The following GRHL3 variants were observed in gnomAD, a reference collection of about 807,000 sequenced individuals.
GRHL3 encodes the protein grainyhead like transcription factor 3.
In GRHL3, 20 loss-of-function variants were observed where a neutral mutation model predicts 70.3. The ratio of observed to expected loss-of-function variants is 0.28; its 90% CI spans 0.20 to 0.41. The LOEUF is 0.41. Ranked by LOEUF, GRHL3 falls within the 10% of genes least tolerant of loss-of-function variation. The pLI is 1.00. For missense variants in GRHL3, 637 were observed against 762.3 expected, an observed-to-expected ratio of 0.84 and a Z score of 1.94; for synonymous variants, 299 against 299.9, an observed-to-expected ratio of 1.00 and a Z score of 0.03.
intron 15 of GRHL3, 114 bp from the exon 16 acceptor site, chr1:24,354,259 GC>G: frequency 1.5e-6 from 1 of 663,522 alleles, no homozygotes; most frequent in South Asian, 1.7e-5. Flanking sequence ...TTTGTGAGGT[GC>G]CTAAAATGTG....
intron 11 of GRHL3, chr1:24,343,272 C>T (rs1381011669): frequency 2.1e-6 from 1 of 472,156 alleles, no homozygotes; most frequent in Non-Finnish European, 3.8e-6. Context: ...TTAGGGCACA[C>T]AAAGAGGAGG....
Position 24,342,185 on chromosome 1 carries a change from AC to A in GRHL3, c.1120del (p.Leu374CysfsTer115). On this transcript the variant is annotated frameshift_variant, in exon 9 of 16. Transcript: ENST00000361548. LOFTEE classifies it high-confidence loss of function. This position sits in a 1 kb window ranked among gnomAD's most constrained non-coding sequence, Gnocchi z 4.8. ...SQKGVKGVPL[N>X]LQIDTYDCGL... ...AAGGGGGTGAAGGGTGTCCCCCTGAACCTGCAGATTGACACCTATGACTGTG... is the reference window on the plus strand; with the variant it reads ...AAGGGGGTGAAGGGTGTCCCCCTGAACTGCAGATTGACACCTATGACTGTG... 6.2e-7 allele frequency: 1 copy of A among 1,613,344 alleles called. No homozygotes were observed. Among genetic ancestry groups the A allele is most frequent in the Non-Finnish European group, 8.5e-7 (1 of 1,179,574 alleles).
intron 11 of GRHL3, 115 bp from the exon 12 acceptor site, chr1:24,344,782 A>G: frequency 8.9e-7 from 1 of 1,117,910 alleles, no homozygotes; most frequent in Non-Finnish European, 1.4e-6. Flanking sequence ...AGGCATTGTA[A>G]CAGTATTCTC....
rs1483148549 is a variant in GRHL3, at chr1:24,321,989, G to A, written c.17+2421G>A. 1 of 152,128 alleles carries A rather than the reference G, an allele frequency of 6.6e-6. No individual in the cohort carries two copies. Among genetic ancestry groups the A allele is most frequent in the East Asian group, 1.9e-4 (1 of 5,174 alleles). The allele number at this position is 152,128 out of a possible 1,614,324, so 9.4% of individuals were successfully genotyped here. ...CCTGGGTCTCGCAGGAAAACAGCCG[G>A]CGCCCGCGAGCTGCCCAGCGTCGGG... On this transcript the variant is annotated intron_variant, in intron 1 of 15. Transcript: ENST00000361548. The surrounding 1 kb of genome is among the most constrained non-coding windows in gnomAD (Gnocchi z 4.0).
intron 15 of GRHL3, among the ~76,000 whole-genome samples, chr1:24,350,405 A>T (rs1034384888): frequency 1.3e-5 from 2 of 152,212 alleles, no homozygotes; most frequent in Non-Finnish European, 2.9e-5. Flanking sequence ...GTTCAAGGCC[A>T]CTGGGAAACC....
Position 24,354,641 on chromosome 1 carries a change from G to A in GRHL3, c.*153G>A. 3.4e-6 allele frequency: 2 copies of A among 589,360 alleles called. No individual in the cohort carries two copies. The highest frequency in any genetic ancestry group is 6.1e-6 in the Non-Finnish European group (2 of 328,688). 36.5% of individuals were successfully genotyped at this position (589,360 alleles called of 1,614,324 possible). ...TTGAGTCACAGACCCACAGACGTCA[G>A]GGCCAGGGAGAGACCTAGGGGGTCC... On this transcript the variant is annotated 3_prime_UTR_variant, in exon 16 of 16. Coordinates refer to ENST00000361548, the MANE Select transcript of GRHL3 (RefSeq NM_198173.3).
chr1:24,350,901 T>C (rs10903079), intron 15 of GRHL3, among the ~76,000 whole-genome samples: 27,413 of 152,040 alleles, frequency 0.18, 3,016 homozygotes, highest in African/African-American at 0.31. Context: ...GAAAGGGAGG[T>C]AGGGTCACAT....
intron 1 of GRHL3, among the ~76,000 whole-genome samples, chr1:24,325,838 T>G (rs1161841412): frequency 6.6e-6 from 1 of 152,202 alleles, no homozygotes; most frequent in African/African-American, 2.4e-5. Context: ...AGCTCCTCTC[T>G]CTTGATCTTG....
intron 11 of GRHL3, 92 bp downstream of exon 11, chr1:24,343,117 C>A: frequency 6.8e-7 from 1 of 1,475,800 alleles, no homozygotes; most frequent in South Asian, 1.2e-5. Flanking sequence ...TGGGGAGCAG[C>A]CTGCCCCTCA....
chr1:24,353,631 G>C (rs1204767058), intron 15 of GRHL3, among the ~76,000 whole-genome samples: 1 of 152,100 alleles, frequency 6.6e-6, no homozygotes, highest in African/African-American at 2.4e-5. Context: ...ATGCTCAGAA[G>C]ACAGCAGGGA....
intron 8 of GRHL3, among the ~76,000 whole-genome samples, chr1:24,340,233 G>A (rs761439198): frequency 3.9e-5 from 6 of 152,194 alleles, no homozygotes; most frequent in African/African-American, 7.2e-5. Flanking sequence ...CTTGGCCAGC[G>A]CAGAATGTCG....
intron 5 of GRHL3, 90 bp downstream of exon 5, chr1:24,337,241 C>A: frequency 1.2e-6 from 1 of 862,574 alleles, no homozygotes; most frequent in Non-Finnish European, 1.8e-6. Flanking sequence ...GCATAGCAGG[C>A]ACAATCAATT....
downstream of GRHL3, among the ~76,000 whole-genome samples, chr1:24,355,552 A>G (rs537536755): frequency 2.6e-5 from 4 of 152,300 alleles, no homozygotes; most frequent in African/African-American, 9.6e-5. Context: ...CAGCCTCAGG[A>G]TCATTGACTC....
At chr1:24,359,814 G>A (rs552818120), downstream of GRHL3, among the ~76,000 whole-genome samples, 4 of 152,324 alleles carry the variant, frequency 2.6e-5, no homozygotes, top group South Asian at 2.1e-4. The surrounding 1 kb of genome is among the most constrained non-coding windows in gnomAD (Gnocchi z 5.3). Context: ...TAGCGAAAGC[G>A]CTCTATAGAG....
intron 11 of GRHL3, among the ~76,000 whole-genome samples, chr1:24,344,485 GAAAAAAAA>G (rs57193515): frequency 3.0e-4 from 17 of 55,794 alleles, no homozygotes; most frequent in South Asian, 1.0e-3. Flanking sequence ...TTTCCCCCCA[GAAAAAAAA>G]AAAAAAAAAA....
intron 15 of GRHL3, among the ~76,000 whole-genome samples, chr1:24,362,746 T>A (rs1271786148): frequency 6.6e-6 from 1 of 152,158 alleles, no homozygotes; most frequent in Non-Finnish European, 1.5e-5. Context: ...ACCCCCCTGG[T>A]CAGAGAGGAC....
chr1:24,354,671 G>C lies in GRHL3; in HGVS notation c.*183G>C. ...AGGGAGAGACCTAGGGGGTCCCCTG[G>C]CCTGGATCCCCATGGTATGCTTGAA... is the stretch of plus-strand genomic sequence containing the variant. On this transcript the variant is annotated 3_prime_UTR_variant, in exon 16 of 16. Coordinates refer to ENST00000361548, the MANE Select transcript of GRHL3 (RefSeq NM_198173.3). 2 of 542,328 alleles carry C rather than the reference G, an allele frequency of 3.7e-6. No homozygotes were observed. Among genetic ancestry groups the C allele is most frequent in the Non-Finnish European group, 6.6e-6 (2 of 301,428 alleles). The allele number at this position is 542,328 out of a possible 1,614,324, so 33.6% of individuals were successfully genotyped here. A position where few individuals can be genotyped will look rare whatever the true frequency, so the allele number is the denominator to read the frequency against.
In GRHL3 at chr1:24,337,651, C is replaced by G. The variant is rs767695521; in HGVS notation, c.702C>G (p.Thr234=). 1 of 1,614,170 alleles carries G rather than the reference C, an allele frequency of 6.2e-7. No individual in the cohort carries two copies. Among genetic ancestry groups the G allele is most frequent in the Admixed American group, 1.7e-5 (1 of 60,028 alleles). Residue 234 remains threonine (T), a synonymous_variant, in exon 6 of 16, where the codon ACC becomes ACG. Coordinates refer to ENST00000361548, the MANE Select transcript of GRHL3 (RefSeq NM_198173.3). ...CTCCCTGCAGTGACTTTGAATACAC[C>G]CTGGGCTCCCCCAAAGCCATCCACA... ...YPSLKSDFEY[T]LGSPKAIHIK... is the part of the protein sequence containing the mutation.
chr1:24,342,880 T>C lies in GRHL3; in HGVS notation c.1286-12T>C. The C allele has an allele frequency of 4.3e-6, 7 of 1,614,196 alleles. No homozygotes were observed. Among genetic ancestry groups the C allele is most frequent in the Non-Finnish European group, 5.9e-6 (7 of 1,180,020 alleles). ...GGGACCTCGGGGCACATTGGCTTCCTTCTCCCATCAGGCGTCAAGGGCTGC... is the reference window on the plus strand; with the variant it reads ...GGGACCTCGGGGCACATTGGCTTCCCTCTCCCATCAGGCGTCAAGGGCTGC... On this transcript the variant is annotated splice_polypyrimidine_tract_variant and intron_variant, in intron 10 of 15. Coordinates refer to ENST00000361548, the MANE Select transcript of GRHL3 (RefSeq NM_198173.3). This position sits in a 1 kb window ranked among gnomAD's most constrained non-coding sequence, Gnocchi z 4.8.
Sources: gnomAD v4.1 joint callset for allele counts (sites outside exome capture counted in the v4.1 genomes callset) on GRCh38, gnomAD v4.1.1 for gene constraint, Gnocchi (gnomAD v3.1) non-coding constraint, MANE v1.5 for transcripts, NCBI Gene and HGNC (gene_info 2026-07-23, HGNC 2026-07-21) for gene names.